RGL1: variants seen among roughly 807,000 people sequenced by gnomAD.
The protein encoded by RGL1 is ral guanine nucleotide dissociation stimulator-like 1.
In RGL1, 24 loss-of-function variants were observed where a neutral mutation model predicts 95.2. That is an observed-to-expected ratio of 0.25 (90% CI 0.18 to 0.35). The LOEUF (loss-of-function observed/expected upper bound fraction) is 0.35, where lower values mean the gene tolerates loss of function less well. Among genes scored for constraint, RGL1 ranks in the 10% least tolerant of loss-of-function variants. RGL1 has a pLI of 1.00. For synonymous variants in RGL1, 329 were observed against 344.9 expected, an observed-to-expected ratio of 0.95 and a Z score of 0.51; for missense variants, 715 against 936.3, an observed-to-expected ratio of 0.76 and a Z score of 3.08.
At chr1:183,726,954 C>A (rs1384473530) in intron 1 of RGL1, among the ~76,000 whole-genome samples, 1 of 152,048 alleles carries the variant, frequency 6.6e-6, no homozygotes, top group Non-Finnish European at 1.5e-5. Flanking sequence ...GAATGTTCAA[C>A]CTATACCACT....
chr1:183,825,594 T>G (rs1662792202), intron 2 of RGL1, among the ~76,000 whole-genome samples: 1 of 152,226 alleles, frequency 6.6e-6, no homozygotes, highest in African/African-American at 2.4e-5. Context: ...AAAGCTTCTC[T>G]GAGTAACCCA....
chr1:183,658,447 C>T (rs536505254), intron 1 of RGL1, among the ~76,000 whole-genome samples: 62 of 152,264 alleles, frequency 4.1e-4, no homozygotes, highest in African/African-American at 1.3e-3. Flanking sequence ...CACGGAGTCT[C>T]GCTGATTGCT....
At chr1:183,837,160 T>C (rs1374751156) in intron 2 of RGL1, among the ~76,000 whole-genome samples, 1 of 152,230 alleles carries the variant, frequency 6.6e-6, no homozygotes, top group Non-Finnish European at 1.5e-5. Context: ...GGAGCACTTA[T>C]AAATCTCACA....
chr1:183,695,204 A>G (rs976623646), intron 1 of RGL1, among the ~76,000 whole-genome samples: 13 of 152,230 alleles, frequency 8.5e-5, no homozygotes, highest in African/African-American at 3.1e-4. Flanking sequence ...AGGATGCCAA[A>G]AAGTCCTTGA....
At chr1:183,718,925 CA>C (rs1171207309) in intron 1 of RGL1, among the ~76,000 whole-genome samples, 4 of 151,864 alleles carry the variant, frequency 2.6e-5, no homozygotes, top group Admixed American at 6.6e-5. Context: ...AAAAACAAAA[CA>C]AAACAAAAAA....
intron 3 of RGL1, among the ~76,000 whole-genome samples, chr1:183,853,705 T>C (rs1032842093): frequency 6.6e-6 from 1 of 152,164 alleles, no homozygotes; most frequent in African/African-American, 2.4e-5. Context: ...GATTAGAAAA[T>C]TGTGGCTCAG....
At chr1:183,819,206 C>G (rs2102451392) in intron 2 of RGL1, among the ~76,000 whole-genome samples, 1 of 152,246 alleles carries the variant, frequency 6.6e-6, no homozygotes, top group Middle Eastern at 3.4e-3. Flanking sequence ...AGGCTTTGCC[C>G]TACATAACAC....
intron 1 of RGL1, among the ~76,000 whole-genome samples, chr1:183,654,617 G>A (rs1038264650): frequency 1.3e-5 from 2 of 152,206 alleles, no homozygotes; most frequent in Non-Finnish European, 2.9e-5. Context: ...GTTCCAGTGA[G>A]GGGAGGAAAA....
chr1:183,663,859 T>C (rs1313042881), intron 1 of RGL1, among the ~76,000 whole-genome samples: 2 of 151,142 alleles, frequency 1.3e-5, no homozygotes, highest in East Asian at 1.9e-4. Flanking sequence ...GTGGCACATA[T>C]ACACCATGGA....
chr1:183,799,820 C>T (rs1250640461), intron 2 of RGL1, among the ~76,000 whole-genome samples: 1 of 151,974 alleles, frequency 6.6e-6, no homozygotes, highest in Non-Finnish European at 1.5e-5. Context: ...TAATATCTTG[C>T]CCAGGTAAAA....
intron 2 of RGL1, among the ~76,000 whole-genome samples, chr1:183,836,963 C>T (rs922301823): frequency 6.6e-6 from 1 of 152,050 alleles, no homozygotes; most frequent in African/African-American, 2.4e-5. Context: ...TTTAACATTA[C>T]AATAATAGGT....
intron 1 of RGL1, among the ~76,000 whole-genome samples, chr1:183,649,244 T>C (rs1460713538): frequency 2.0e-5 from 3 of 152,256 alleles, no homozygotes; most frequent in African/African-American, 4.8e-5. Context: ...AGAATGAATA[T>C]AAAATGCTTC....
chr1:183,666,670 C>A (rs922199933), intron 1 of RGL1, among the ~76,000 whole-genome samples: 3 of 152,070 alleles, frequency 2.0e-5, no homozygotes, highest in Non-Finnish European at 2.9e-5. Flanking sequence ...TTCCAGCTAT[C>A]TTTCTGTTTC....
chr1:183,700,499 G>C (rs1044810042), intron 1 of RGL1, among the ~76,000 whole-genome samples: 5 of 151,242 alleles, frequency 3.3e-5, no homozygotes, highest in Non-Finnish European at 7.4e-5. Flanking sequence ...TTGTTACATA[G>C]GTATACGTGT....
At chr1:183,702,518 T>TTGCATATTTCA (rs1654660075) in intron 1 of RGL1, among the ~76,000 whole-genome samples, 1 of 152,180 alleles carries the variant, frequency 6.6e-6, no homozygotes, top group South Asian at 2.1e-4. Context: ...TTTCAAGACA[T>TTGCATATTTCA]AGGTCTTGAT....
At chr1:183,768,448 A>T (rs184685370) in intron 2 of RGL1, among the ~76,000 whole-genome samples, 2 of 149,496 alleles carry the variant, frequency 1.3e-5, no homozygotes, top group Admixed American at 6.8e-5. Context: ...AATTTGAACT[A>T]ACCTTTAGAT....
chr1:183,758,536 A>G (rs1658485997), intron 2 of RGL1, among the ~76,000 whole-genome samples: 1 of 152,112 alleles, frequency 6.6e-6, no homozygotes, highest in Non-Finnish European at 1.5e-5. Context: ...GGAGGCTGGG[A>G]GTCTGACATC....
At position 183,746,375 on chromosome 1, in the gene RGL1, C is replaced by CAT. The variant is rs1168175785; in HGVS notation, c.132+4093_132+4094dup. Among the ~76,000 whole-genome samples the CAT allele has an allele frequency of 1.5e-4, 23 of 152,036 alleles. No individual in the cohort carries two copies. In the South Asian group the frequency reaches 4.6e-3, roughly 30 times the overall value. On this transcript the variant is annotated intron_variant, in intron 2 of 18. Transcript: ENST00000304685. ...CTACATATGTATGTATATATAAACA[C>CAT]ATATATATTTATATGTATGGTGTCT...
intron 2 of RGL1, among the ~76,000 whole-genome samples, chr1:183,841,486 G>A (rs1323820416): frequency 6.6e-6 from 1 of 152,196 alleles, no homozygotes; most frequent in African/African-American, 2.4e-5. Context: ...GTTTTGTTAA[G>A]TTTGCCACTA....
Sources: allele counts gnomAD v4.1 joint callset (sites outside exome capture counted in the v4.1 genomes callset), GRCh38; gene constraint gnomAD v4.1.1; transcripts MANE v1.5; gene names NCBI Gene and HGNC (gene_info 2026-07-23, HGNC 2026-07-21).